The following CCDC7 variants were observed in gnomAD, a reference collection of about 807,000 sequenced individuals.
CCDC7 encodes coiled-coil domain-containing protein 7.
In CCDC7, 183 loss-of-function variants were observed where a neutral mutation model predicts 196.9. The observed-to-expected ratio is 0.93, with a 90% CI of 0.82 to 1.05. The LOEUF (loss-of-function observed/expected upper bound fraction) is 1.05, where lower values mean the gene tolerates loss of function less well. CCDC7 is among the 50% of genes least tolerant of loss of function. CCDC7 has a pLI of 0.00. For missense variants in CCDC7, 1,540 were observed against 1,482.2 expected (o/e 1.04, Z -0.64); for synonymous variants, 525 against 484.6 (o/e 1.08, Z -1.10).
chr10:32,844,249 A>G (rs1305485351), intron 33 of CCDC7, among the ~76,000 whole-genome samples: 4 of 151,816 alleles, frequency 2.6e-5, no homozygotes, highest in Non-Finnish European at 5.9e-5. Context: ...TCACATAAAA[A>G]CTCCAGTGGA....
In CCDC7 at chr10:32,737,950, G is replaced by A. The variant is rs574456933; in HGVS notation, c.2905+8493G>A. 1.2e-4 allele frequency among the ~76,000 whole-genome samples: 18 copies of A among 152,134 alleles called. No individual in the cohort carries two copies. In the South Asian group the frequency reaches 3.5e-3, roughly 30 times the overall value. On this transcript the variant is annotated intron_variant, in intron 28 of 41. Coordinates refer to ENST00000639629, the Ensembl canonical transcript of CCDC7. ...ATTTCTGGTAGACACCATATAGTCA[G>A]ATTTTTTTATTCACCTACTCTGACA...
chr10:32,472,386 A>T, intron 6 of CCDC7, 95 bp from the exon 8 acceptor site: 5 of 1,118,788 alleles, frequency 4.5e-6, no homozygotes, highest in Non-Finnish European at 6.0e-6. Flanking sequence ...TACAAACTTC[A>T]TATGTCTGGA....
chr10:32,676,966 A>C (rs531886975), intron 21 of CCDC7, among the ~76,000 whole-genome samples: 1 of 152,198 alleles, frequency 6.6e-6, no homozygotes, highest in Non-Finnish European at 1.5e-5. Context: ...CTTGGAACCA[A>C]CCCAAATGTC....
At chr10:32,616,633 T>C (rs767247976) in intron 18 of CCDC7, among the ~76,000 whole-genome samples, 4 of 151,760 alleles carry the variant, frequency 2.6e-5, no homozygotes, top group Admixed American at 6.6e-5. Flanking sequence ...GACTTCCTCA[T>C]TTCTAATTTC....
intron 11 of CCDC7, among the ~76,000 whole-genome samples, chr10:32,531,948 T>A (rs905838573): frequency 6.6e-6 from 1 of 152,148 alleles, no homozygotes; most frequent in African/African-American, 2.4e-5. Flanking sequence ...TTTTTCTTAG[T>A]CTAAAGGCTT....
intron 21 of CCDC7, among the ~76,000 whole-genome samples, chr10:32,677,256 C>T (rs1026586139): frequency 3.3e-5 from 5 of 151,182 alleles, no homozygotes; most frequent in African/African-American, 1.2e-4. Flanking sequence ...AGGAGATATA[C>T]CTAATGCTAA....
chr10:32,706,977 A>G (rs1324996979), intron 24 of CCDC7, among the ~76,000 whole-genome samples: 3 of 152,238 alleles, frequency 2.0e-5, no homozygotes, highest in Non-Finnish European at 2.9e-5. Context: ...TTATGAGGCC[A>G]GCATCATCCT....
At chr10:32,847,798 TAAA>T in intron 37 of CCDC7, 32 bp from the exon 39 acceptor site, 1 of 1,341,744 alleles carries the variant, frequency 7.5e-7, no homozygotes, top group Non-Finnish European at 1.0e-6. Context: ...ATGGTTACCT[TAAA>T]AAGTGTTTTG....
chr10:32,508,410 A>T (rs371726198), intron 9 of CCDC7, among the ~76,000 whole-genome samples: 18 of 152,254 alleles, frequency 1.2e-4, no homozygotes, highest in African/African-American at 3.9e-4. Context: ...GAAACGGGAC[A>T]GTATTGTATG....
chr10:32,638,216 C>T (rs1390908613), intron 20 of CCDC7, among the ~76,000 whole-genome samples: 1 of 152,128 alleles, frequency 6.6e-6, no homozygotes, highest in Admixed American at 6.6e-5. Context: ...ATTCAATACC[C>T]TTTATATCCT....
At chr10:32,857,714 T>C (rs1405448050) in intron 41 of CCDC7, among the ~76,000 whole-genome samples, 1 of 151,572 alleles carries the variant, frequency 6.6e-6, no homozygotes, top group African/African-American at 2.4e-5. Flanking sequence ...ATGTTATGCC[T>C]CAAGGAGTTG....
intron 20 of CCDC7, among the ~76,000 whole-genome samples, chr10:32,647,824 T>C (rs1297878236): frequency 6.6e-6 from 1 of 152,240 alleles, no homozygotes; most frequent in East Asian, 1.9e-4. Context: ...AGAAGTTCTT[T>C]AGTTTAATTA....
chr10:32,778,012 T>C (rs147670475), intron 28 of CCDC7, among the ~76,000 whole-genome samples: 1,906 of 152,354 alleles, frequency 0.013, 21 homozygotes, highest in Non-Finnish European at 0.019. Context: ...ATTCTGTTTA[T>C]GTCCTTTGCC....
At chr10:32,846,800 G>T (rs1051179308) in intron 37 of CCDC7, among the ~76,000 whole-genome samples, 13 of 152,138 alleles carry the variant, frequency 8.5e-5, no homozygotes, top group African/African-American at 3.1e-4. Flanking sequence ...AAAGCACAAA[G>T]GCTAGCTGAA....
At chr10:32,457,231 G>A (rs1344012195) in intron 3 of CCDC7, among the ~76,000 whole-genome samples, 1 of 151,770 alleles carries the variant, frequency 6.6e-6, no homozygotes, top group Non-Finnish European at 1.5e-5. Context: ...TTGCATATTG[G>A]CAAGAACATG....
chr10:32,559,490 A>G (rs1042819631), intron 13 of CCDC7, among the ~76,000 whole-genome samples: 9 of 152,216 alleles, frequency 5.9e-5, no homozygotes, highest in African/African-American at 1.7e-4. Context: ...CAGAGGAACG[A>G]TCAGACAGCA....
intron 21 of CCDC7, among the ~76,000 whole-genome samples, chr10:32,670,888 T>G (rs1043449748): frequency 7.2e-4 from 109 of 152,272 alleles, no homozygotes; most frequent in African/African-American, 2.5e-3. Flanking sequence ...CTTAGTTCCT[T>G]GTGGTGTAAC....
chr10:32,811,592 A>C (rs929307291), intron 30 of CCDC7, among the ~76,000 whole-genome samples: 8 of 152,118 alleles, frequency 5.3e-5, no homozygotes, highest in African/African-American at 2.4e-5. Flanking sequence ...AGAGGTCTAG[A>C]AATGTTCCCA....
intron 13 of CCDC7, among the ~76,000 whole-genome samples, chr10:32,561,170 G>T (rs1159277716): frequency 6.6e-6 from 1 of 152,080 alleles, no homozygotes; most frequent in African/African-American, 2.4e-5. Flanking sequence ...ATAAAGCAAG[G>T]CCTGAGTGAC....
Sources: allele counts gnomAD v4.1 joint callset (sites outside exome capture counted in the v4.1 genomes callset), GRCh38; gene constraint gnomAD v4.1.1; transcripts MANE v1.5; gene names NCBI Gene and HGNC (gene_info 2026-07-23, HGNC 2026-07-21).